Variants in TENM2 observed in about 807,000 individuals in gnomAD.
The protein encoded by TENM2 is teneurin-2.
Under a neutral mutation model 245.2 loss-of-function variants are expected in TENM2, and 52 were observed. The observed-to-expected ratio is 0.21, with a 90% CI of 0.17 to 0.27. TENM2 has a LOEUF of 0.27. TENM2 is among the 10% of genes least tolerant of loss of function. The pLI, the probability that TENM2 is intolerant of heterozygous loss-of-function variation, is 1.00. For missense variants in TENM2, 3,046 were observed against 3,666.8 expected (o/e 0.83, Z 4.37); for synonymous variants, 1,363 against 1,438.9 (o/e 0.95, Z 1.19).
At chr5:168,080,376 A>T (rs1224195724) in intron 7 of TENM2, among the ~76,000 whole-genome samples, 1 of 152,140 alleles carries the variant, frequency 6.6e-6, no homozygotes, top group Non-Finnish European at 1.5e-5. Context: ...CTTTTCAAAA[A>T]ACCAGCTCCT....
the TENM2 span, among the ~76,000 whole-genome samples, chr5:167,255,119 G>A: frequency 7.3e-6 from 1 of 136,724 alleles, no homozygotes; most frequent in Non-Finnish European, 1.6e-5. Context: ...CTATGCTACT[G>A]AAAGTTCTTT....
chr5:167,847,083 A>G (rs1770112785), intron 2 of TENM2, among the ~76,000 whole-genome samples: 1 of 152,156 alleles, frequency 6.6e-6, no homozygotes, highest in Admixed American at 6.5e-5. Flanking sequence ...CAGCTTCCCA[A>G]GTGGCTACGA....
At chr5:167,259,514 A>G in the TENM2 span, among the ~76,000 whole-genome samples, 3 of 152,326 alleles carry the variant, frequency 2.0e-5, no homozygotes, top group Non-Finnish European at 1.5e-5. Context: ...AACCTCTCCA[A>G]TGGGCAAATG....
rs183800335 is a variant in TENM2, at chr5:168,138,027, C to T, written c.2422+11061C>T. 1.9e-3 allele frequency among the ~76,000 whole-genome samples: 279 copies of T among 150,028 alleles called. 1 individual carries two copies. The highest frequency in any genetic ancestry group is 6.2e-3 in the African/African-American group (256 of 41,114). ...ACTCCAAACTCTCAATCATCTCCCA[C>T]GTTATGTTTATAGAATGTAACATCT... is the stretch of plus-strand genomic sequence containing the variant. On this transcript the variant is annotated intron_variant, in intron 12 of 28. Coordinates refer to ENST00000518659, the Ensembl canonical transcript of TENM2.
intron 7 of TENM2, among the ~76,000 whole-genome samples, chr5:168,078,561 A>G (rs567712324): frequency 2.0e-5 from 3 of 152,254 alleles, no homozygotes; most frequent in African/African-American, 7.2e-5. Flanking sequence ...TTATGGTTTT[A>G]GGTCTAATAT....
intron 2 of TENM2, among the ~76,000 whole-genome samples, chr5:167,453,347 G>A (rs752046037): frequency 1.3e-5 from 2 of 152,042 alleles, no homozygotes; most frequent in Admixed American, 1.3e-4. Context: ...CCACCAATCT[G>A]TCATCTCCTC....
intron 2 of TENM2, among the ~76,000 whole-genome samples, chr5:167,684,128 G>C (rs1756923712): frequency 6.6e-6 from 1 of 152,170 alleles, no homozygotes; most frequent in African/African-American, 2.4e-5. Flanking sequence ...ATTTTGACGA[G>C]GAAAAACAGG....
the TENM2 span, among the ~76,000 whole-genome samples, chr5:167,078,271 G>T: frequency 3.1e-3 from 477 of 152,130 alleles, no homozygotes; most frequent in African/African-American, 0.011. Context: ...ATCTCCTGAG[G>T]TTGGGAGTTC....
intron 3 of TENM2, among the ~76,000 whole-genome samples, chr5:167,908,984 G>T (rs1221454145): frequency 6.6e-6 from 1 of 151,582 alleles, no homozygotes; most frequent in African/African-American, 2.4e-5. Context: ...GGTTATGCAT[G>T]ACTTAAATAA....
chr5:167,185,817 C>A, the TENM2 span, among the ~76,000 whole-genome samples: 4 of 151,926 alleles, frequency 2.6e-5, no homozygotes, highest in African/African-American at 9.7e-5. Flanking sequence ...TGTGTCTTTG[C>A]GGGGACAGGA....
intron 2 of TENM2, among the ~76,000 whole-genome samples, chr5:167,511,041 C>T (rs180699186): frequency 8.9e-4 from 136 of 152,248 alleles, no homozygotes; most frequent in African/African-American, 3.2e-3. Flanking sequence ...CCATCCCTTT[C>T]TTCTTCTACA....
intron 2 of TENM2, 106 bp from the exon 5 acceptor site, chr5:167,875,880 T>C: frequency 1.4e-6 from 1 of 731,190 alleles, no homozygotes; most frequent in Non-Finnish European, 2.2e-6. Context: ...CATTTCTTTT[T>C]TTTTTTTTTT....
chr5:167,755,250 A>G lies in TENM2; in HGVS notation c.503-120736A>G. 6.0e-6 allele frequency: 8 copies of G among 1,336,732 alleles called. No homozygotes were observed. In the South Asian group the frequency reaches 8.4e-5, roughly 14 times the overall value. The allele number at this position is 1,336,732 out of a possible 1,614,324, so 82.8% of individuals were successfully genotyped here. A position where few individuals can be genotyped will look rare whatever the true frequency, so the allele number is the denominator to read the frequency against. On this transcript the variant is annotated intron_variant, in intron 2 of 28. Coordinates refer to ENST00000518659, the Ensembl canonical transcript of TENM2. ...TTTGCAAGCACCTGTCCTCACTGAC[A>G]GGGTAGTTGGAGTATTTACTTTAAC...
chr5:168,183,847 G>C (rs376470720), intron 13 of TENM2, among the ~76,000 whole-genome samples: 2 of 147,542 alleles, frequency 1.4e-5, no homozygotes, highest in Admixed American at 1.3e-4. Context: ...AAAAGAAAAA[G>C]AAAAAAAAAA....
At chr5:168,255,425 C>T (rs949641701) in intron 27 of TENM2, among the ~76,000 whole-genome samples, 1 of 152,062 alleles carries the variant, frequency 6.6e-6, no homozygotes, top group Non-Finnish European at 1.5e-5. Flanking sequence ...TATCAGCCTC[C>T]TGAGGAGCTG....
At chr5:167,580,425 C>T (rs1745749330) in intron 2 of TENM2, among the ~76,000 whole-genome samples, 1 of 152,168 alleles carries the variant, frequency 6.6e-6, no homozygotes. Context: ...GGGTTTCCTA[C>T]CCAAACCCCA....
At chr5:167,545,858 A>G (rs1394995929) in intron 2 of TENM2, among the ~76,000 whole-genome samples, 1 of 152,244 alleles carries the variant, frequency 6.6e-6, no homozygotes, top group Non-Finnish European at 1.5e-5. Context: ...CCATACGTAC[A>G]GACTTGACAG....
chr5:168,118,691 C>A (rs928723097), intron 10 of TENM2, among the ~76,000 whole-genome samples: 1 of 152,160 alleles, frequency 6.6e-6, no homozygotes, highest in Admixed American at 6.5e-5. Context: ...CTGGAAGAAA[C>A]GTTTTGTTTT....
chr5:168,211,335 C>A (rs1762788725), intron 19 of TENM2, among the ~76,000 whole-genome samples: 1 of 152,220 alleles, frequency 6.6e-6, no homozygotes, highest in Admixed American at 6.5e-5. Flanking sequence ...ACTCTTTATA[C>A]CTGATATTAA....
Sources: gnomAD v4.1 joint callset for allele counts (sites outside exome capture counted in the v4.1 genomes callset) on GRCh38, gnomAD v4.1.1 for gene constraint, MANE v1.5 for transcripts, NCBI Gene and HGNC (gene_info 2026-07-23, HGNC 2026-07-21) for gene names.